SIM2: variants seen among roughly 807,000 people sequenced by gnomAD.
The protein encoded by SIM2 is SIM bHLH transcription factor 2, also known as single-minded homolog 2.
Under a neutral mutation model 64.8 loss-of-function variants are expected in SIM2, and 28 were observed. The ratio of observed to expected loss-of-function variants is 0.43; its 90% CI spans 0.32 to 0.59. SIM2 has a LOEUF of 0.59. SIM2 is among the 20% of genes least tolerant of loss of function. The probability of loss-of-function intolerance (pLI) is 0.07; values close to 1 mark genes in which losing one functional copy is unlikely to be tolerated. For missense variants in SIM2, 847 were observed against 871.4 expected, an observed-to-expected ratio of 0.97 and a Z score of 0.35; for synonymous variants, 408 against 391.1, an observed-to-expected ratio of 1.04 and a Z score of -0.51.
chr21:36,725,680 C>G (rs545837465), intron 5 of SIM2, among the ~76,000 whole-genome samples: 2 of 152,246 alleles, frequency 1.3e-5, no homozygotes, highest in South Asian at 4.2e-4. Context: ...AGTGCAGTGG[C>G]ACAATCTCGG....
Position 36,744,899 on chromosome 21 carries a change from T to G in SIM2, c.1339T>G (p.Phe447Val), listed in dbSNP as rs1048360864. 1 of 1,614,094 alleles carries G rather than the reference T, an allele frequency of 6.2e-7. No individual in the cohort carries two copies. The highest frequency in any genetic ancestry group is 8.5e-7 in the Non-Finnish European group (1 of 1,180,042). The change falls in exon 10 of 11, where the codon TTC becomes GTC. Residue 447 changes from phenylalanine (F) to valine (V), a missense_variant. Phe to Val is a conservative substitution (Grantham distance 50). Around this residue, in one of 3 missense-constraint regions of SIM2, gnomAD observed 447 missense variants for 414.6 expected, o/e 1.08. Transcript: ENST00000290399. ...GCCCTTCTCCTACCATTACGGACAC[T>G]TCCCTCTGGACTCTCACGTCTTCAG... ...SLPFSYHYGH[F>V]PLDSHVFSSK...
Position 36,747,814 on chromosome 21 carries a change from G to T in SIM2, c.1726G>T (p.Ala576Ser). 9.7e-7 allele frequency: 1 copy of T among 1,030,478 alleles called. No homozygotes were observed. Among genetic ancestry groups the T allele is most frequent in the Non-Finnish European group, 1.2e-6 (1 of 863,024 alleles). The allele number at this position is 1,030,478 out of a possible 1,614,324, so 63.8% of individuals were successfully genotyped here. ...RDGARLALAR[A>S]APECCAPPTP... ...CGGGGCGCGGCTGGCGCTGGCCCGC[G>T]CGGCACCCGAGTGCTGCGCGCCCCC... is the stretch of plus-strand genomic sequence containing the variant. The change falls in exon 11 of 11, where the codon GCG becomes TCG. Residue 576 changes from alanine (A) to serine (S), a missense_variant. This residue lies in a region of SIM2 where 447 missense variants were observed against 414.6 expected (regional missense o/e 1.08). Coordinates refer to ENST00000290399, the MANE Select transcript of SIM2 (RefSeq NM_005069.6). This position sits in a 1 kb window ranked among gnomAD's most constrained non-coding sequence, Gnocchi z 4.5.
chr21:36,741,799 C>T lies in SIM2; in HGVS notation c.933C>T (p.Ala311=). Reference sequence around the variant, plus strand: ...GCTGGGTGTGGGTGCAGAGCTACGCCACCGTGGTGCACAACAGCCGCTCGT... The same window carrying T: ...GCTGGGTGTGGGTGCAGAGCTACGCTACCGTGGTGCACAACAGCCGCTCGT... The part of the protein sequence containing the change: ...RGGWVWVQSY[A]TVVHNSRSSR... The change falls in exon 8 of 11, where the codon GCC becomes GCT. Residue 311 remains alanine, a synonymous_variant. Transcript: ENST00000290399. 2.5e-6 allele frequency: 4 copies of T among 1,612,008 alleles called. No individual in the cohort carries two copies. Among genetic ancestry groups the T allele is most frequent in the Non-Finnish European group, 3.4e-6 (4 of 1,179,584 alleles).
Position 36,699,759 on chromosome 21 carries a change from T to C in SIM2, c.13T>C (p.Ser5Pro). The C allele has an allele frequency of 6.2e-7, 1 of 1,612,400 alleles. No homozygotes were observed. MKEK[S>P]KNAAKTRREK... The stretch of plus-strand genomic sequence containing the variant: ...GAGCCGAGGCGCGATGAAGGAGAAG[T>C]CCAAGAATGCGGCCAAGACCAGGAG... Residue 5 changes from serine to proline, a missense_variant, in exon 1 of 11, where the codon TCC becomes CCC. Physicochemically the swap from Ser to Pro is moderately conservative, Grantham distance 74. This residue lies in a region of SIM2 where 397 missense variants were observed against 439.2 expected (regional missense o/e 0.90). Coordinates refer to ENST00000290399, the MANE Select transcript of SIM2 (RefSeq NM_005069.6). This position sits in a 1 kb window ranked among gnomAD's most constrained non-coding sequence, Gnocchi z 5.6.
chr21:36,723,442 G>C (rs533951306), intron 5 of SIM2, among the ~76,000 whole-genome samples: 1 of 152,298 alleles, frequency 6.6e-6, no homozygotes, highest in East Asian at 1.9e-4. Flanking sequence ...AGTTTATAGA[G>C]GCCCATCCTC....
At chr21:36,734,486 G>C (rs557373309) in intron 7 of SIM2, among the ~76,000 whole-genome samples, 1 of 152,320 alleles carries the variant, frequency 6.6e-6, no homozygotes, top group Admixed American at 6.5e-5. Context: ...TCTGACCTTA[G>C]CTGTGCTAGA....
At position 36,699,688 on chromosome 21, in the gene SIM2, A is replaced by G. The variant is rs116948941; in HGVS notation, c.-59A>G. ...TCCCCATCCCCGCCGCCGCAGCCCG[A>G]GCGGGGCTCCGCGGGCCTGGAGCAC... On this transcript the variant is annotated 5_prime_UTR_variant, in exon 1 of 11. Coordinates refer to ENST00000290399, the MANE Select transcript of SIM2 (RefSeq NM_005069.6). This position sits in a 1 kb window ranked among gnomAD's most constrained non-coding sequence, Gnocchi z 5.6. 311,862 of 1,563,422 alleles carry G rather than the reference A, an allele frequency of 0.2. 33,503 individuals are homozygous for G. The highest frequency in any genetic ancestry group is 0.26 in the Middle Eastern group (1,452 of 5,668).
intron 8 of SIM2, 144 bp from the exon 9 acceptor site, chr21:36,743,243 C>A: frequency 1.4e-6 from 1 of 733,194 alleles, no homozygotes; most frequent in Non-Finnish European, 2.3e-6. Flanking sequence ...GTGAGCTGGC[C>A]TTGTCTCAAA....
In SIM2 at chr21:36,749,720, C is replaced by T. The variant is rs888699082; in HGVS notation, c.*1628C>T. The T allele has an allele frequency of 6.6e-6, 1 of 151,956 alleles. No homozygotes were observed. Among genetic ancestry groups the T allele is most frequent in the African/African-American group, 2.4e-5 (1 of 41,352 alleles). 9.4% of individuals were successfully genotyped at this position (151,956 alleles called of 1,614,324 possible). On this transcript the variant is annotated 3_prime_UTR_variant, in exon 11 of 11. Transcript: ENST00000290399. ...ATGTTCATGAGTCTTGTAATTAAAC[C>T]GTGATTCTTGAAAGGTGTAGGTTTG...
At chr21:36,742,067 G>C (rs979305882) in intron 8 of SIM2, among the ~76,000 whole-genome samples, 1 of 151,344 alleles carries the variant, frequency 6.6e-6, no homozygotes, top group Admixed American at 6.6e-5. Flanking sequence ...AGCGGTGAAA[G>C]CCAAGTGCTA....
At position 36,699,705 on chromosome 21, in the gene SIM2, C is replaced by G; in HGVS notation, c.-42C>G. ...GCAGCCCGAGCGGGGCTCCGCGGGCCTGGAGCACGGCCGGGTCTAATATGC... is the reference window on the plus strand; with the variant it reads ...GCAGCCCGAGCGGGGCTCCGCGGGCGTGGAGCACGGCCGGGTCTAATATGC... On this transcript the variant is annotated 5_prime_UTR_variant, in exon 1 of 11. Transcript: ENST00000290399. The surrounding 1 kb of genome is among the most constrained non-coding windows in gnomAD (Gnocchi z 5.6). 2 of 1,596,038 alleles carry G rather than the reference C, an allele frequency of 1.3e-6. No individual in the cohort carries two copies. The highest frequency in any genetic ancestry group is 1.7e-6 in the Non-Finnish European group (2 of 1,172,034).
At position 36,741,745 on chromosome 21, in the gene SIM2, G is replaced by C; in HGVS notation, c.879G>C (p.Lys293Asn). The C allele has an allele frequency of 5.0e-6, 8 of 1,613,552 alleles. No homozygotes were observed. The highest frequency in any genetic ancestry group is 4.2e-6 in the Non-Finnish European group (5 of 1,179,996). ...TGGTGAAGGGCCAGGTCACCACCAA[G>C]TACTACCGGCTGCTGTCCAAGCGGG... ...LLLVKGQVTT[K>N]YYRLLSKRGG... The change falls in exon 8 of 11, where the codon AAG becomes AAC. Residue 293 changes from lysine to asparagine, a missense_variant. This residue lies in a region of SIM2 where 397 missense variants were observed against 439.2 expected (regional missense o/e 0.90). Transcript: ENST00000290399.
chr21:36,747,790 G>T lies in SIM2; in HGVS notation c.1702G>T (p.Gly568Trp). 10 of 1,068,180 alleles carry T rather than the reference G, an allele frequency of 9.4e-6. No individual in the cohort carries two copies. The highest frequency in any genetic ancestry group is 1.1e-5 in the Non-Finnish European group (10 of 886,254). The allele number at this position is 1,068,180 out of a possible 1,614,324, so 66.2% of individuals were successfully genotyped here. The change falls in exon 11 of 11, where the codon GGG becomes TGG. Residue 568 changes from glycine to tryptophan, a missense_variant. Gly to Trp is a radical substitution (Grantham distance 184). Coordinates refer to ENST00000290399, the MANE Select transcript of SIM2 (RefSeq NM_005069.6). The surrounding 1 kb of genome is among the most constrained non-coding windows in gnomAD (Gnocchi z 4.5). ...AKAARQAARD[G>W]ARLALARAAP... The stretch of plus-strand genomic sequence containing the variant: ...AGCCGCCCGCCAGGCCGCCCGGGAC[G>T]GGGCGCGGCTGGCGCTGGCCCGCGC...
Position 36,712,554 on chromosome 21 carries a change from G to T in SIM2, c.280G>T (p.Val94Leu), listed in dbSNP as rs1341893810. The T allele has an allele frequency of 6.2e-7, 1 of 1,612,598 alleles. No individual in the cohort carries two copies. Among genetic ancestry groups the T allele is most frequent in the African/African-American group, 1.3e-5 (1 of 74,876 alleles). The part of the protein sequence containing the change: ...LLQTLDGFVF[V>L]VASDGKIMYI... ...ACAGACTTTGGATGGATTTGTTTTT[G>T]TGGTAGCATCTGATGGCAAAATCAT... The change falls in exon 3 of 11, where the codon GTG becomes TTG. Residue 94 changes from valine (V) to leucine (L), a missense_variant. Physicochemically the swap from Val to Leu is conservative, Grantham distance 32. Around this residue, in one of 3 missense-constraint regions of SIM2, gnomAD observed 397 missense variants for 439.2 expected, o/e 0.90. Coordinates refer to ENST00000290399, the MANE Select transcript of SIM2 (RefSeq NM_005069.6).
At chr21:36,709,518 G>T in intron 2 of SIM2, 1 of 625,922 alleles carries the variant, frequency 1.6e-6, no homozygotes, top group Non-Finnish European at 2.9e-6. Context: ...CCTACGCCAG[G>T]GGCGCCTCCC....
intron 3 of SIM2, among the ~76,000 whole-genome samples, chr21:36,715,604 T>C (rs376801677): frequency 2.6e-5 from 4 of 152,256 alleles, no homozygotes; most frequent in East Asian, 3.8e-4. Flanking sequence ...AATGACATTA[T>C]CTTATTAAGT....
intron 7 of SIM2, among the ~76,000 whole-genome samples, chr21:36,739,967 C>CAA (rs548332516): frequency 2.1e-4 from 12 of 58,116 alleles, no homozygotes; most frequent in South Asian, 1.0e-3. Flanking sequence ...GACTCTGTCT[C>CAA]AAAAAAAAAA....
At chr21:36,711,968 T>G (rs942456610) in intron 2 of SIM2, among the ~76,000 whole-genome samples, 15 of 152,326 alleles carry the variant, frequency 9.8e-5, no homozygotes, top group African/African-American at 3.4e-4. Context: ...TCTTGCAAAT[T>G]CTAAATAATT....
At chr21:36,741,489 G>C (rs778033440) in intron 7 of SIM2, among the ~76,000 whole-genome samples, 1 of 152,220 alleles carries the variant, frequency 6.6e-6, no homozygotes, top group Non-Finnish European at 1.5e-5. Context: ...TAATGGGTGG[G>C]AACTCCTTGA....
Sources: gnomAD v4.1 joint callset for allele counts (sites outside exome capture counted in the v4.1 genomes callset) on GRCh38, gnomAD v4.1.1 for gene constraint, gnomAD v4.1.1 regional missense constraint, Gnocchi (gnomAD v3.1) non-coding constraint, MANE v1.5 for transcripts, NCBI Gene and HGNC (gene_info 2026-07-23, HGNC 2026-07-21) for gene names.